PDE6A: variants seen among roughly 807,000 people sequenced by gnomAD.
PDE6A encodes phosphodiesterase 6A.
Under a neutral mutation model 106.3 loss-of-function variants are expected in PDE6A, and 84 were observed. The ratio of observed to expected loss-of-function variants is 0.79; its 90% CI spans 0.66 to 0.95. PDE6A has a LOEUF of 0.95. Ranked by LOEUF, PDE6A falls within the 40% of genes least tolerant of loss-of-function variation. The probability of loss-of-function intolerance (pLI) is 0.00; values close to 1 mark genes in which losing one functional copy is unlikely to be tolerated. For synonymous variants in PDE6A, 394 were observed against 386.6 expected, an observed-to-expected ratio of 1.02 and a Z score of -0.23; for missense variants, 1,052 against 1,084.9, an observed-to-expected ratio of 0.97 and a Z score of 0.43.
chr5:149,866,338 T>A, intron 19 of PDE6A, 85 bp from the exon 20 acceptor site: 1 of 954,094 alleles, frequency 1.0e-6, no homozygotes, highest in Non-Finnish European at 1.7e-6. Context: ...AAAATCAAAC[T>A]GTAAACTCAT....
At chr5:149,908,933 A>T (rs1462341763) in intron 6 of PDE6A, among the ~76,000 whole-genome samples, 3 of 152,164 alleles carry the variant, frequency 2.0e-5, no homozygotes, top group Admixed American at 2.0e-4. Flanking sequence ...TCTTTGTGAG[A>T]AAGTTTTGAT....
chr5:149,934,796 A>G (rs573889826), intron 1 of PDE6A, 78 bp from the exon 2 acceptor site: 1 of 1,374,006 alleles, frequency 7.3e-7, no homozygotes, highest in Admixed American at 1.7e-5. Context: ...CCCTGTTGAC[A>G]AGGGAATAAA....
chr5:149,886,398 A>G, intron 13 of PDE6A, 24 bp from the exon 14 acceptor site: 1 of 1,571,996 alleles, frequency 6.4e-7, no homozygotes, highest in South Asian at 1.1e-5. Context: ...CAGAGTGCAA[A>G]TCATTCCTTT....
intron 4 of PDE6A, among the ~76,000 whole-genome samples, chr5:149,922,296 AATT>A (rs142378973): frequency 0.064 from 9,585 of 148,802 alleles, 524 homozygotes; most frequent in African/African-American, 0.15. Flanking sequence ...ATTTACAACA[AATT>A]ATTATTATTA....
At chr5:149,928,233 T>TA (rs1163863793) in intron 4 of PDE6A, among the ~76,000 whole-genome samples, 30 of 9,622 alleles carry the variant, frequency 3.1e-3, no homozygotes, top group Non-Finnish European at 3.4e-3. Context: ...ATATATATAT[T>TA]TTTTTTTTTT....
intron 19 of PDE6A, chr5:149,867,410 C>T: frequency 2.1e-6 from 1 of 472,710 alleles, no homozygotes; most frequent in Non-Finnish European, 3.9e-6. Context: ...TTGCCAACCT[C>T]TAGGGTTGAG....
chr5:149,898,402 A>G lies in PDE6A; in HGVS notation c.1368T>C (p.Tyr456=). 6.2e-7 allele frequency: 1 copy of G among 1,613,472 alleles called. No individual in the cohort carries two copies. Among genetic ancestry groups the G allele is most frequent in the Non-Finnish European group, 8.5e-7 (1 of 1,179,454 alleles). Residue 456 remains tyrosine (Y), a synonymous_variant, in exon 10 of 22, where the codon TAT becomes TAC. Coordinates refer to ENST00000255266, the MANE Select transcript of PDE6A (RefSeq NM_000440.3). ...RKDIFQDIVK[Y]HVKCDNEEIQ... ...TTTCTTCATTGTCACACTTCACATG[A>G]TATTTTACTATGTCCTGGAAAATAT...
intron 6 of PDE6A, 57 bp downstream of exon 6, chr5:149,914,886 A>C (rs747198557): frequency 2.3e-5 from 26 of 1,135,186 alleles, no homozygotes; most frequent in Non-Finnish European, 3.5e-5. Context: ...CGATAAAGCC[A>C]ATTGAGATCT....
intron 17 of PDE6A, among the ~76,000 whole-genome samples, chr5:149,880,757 A>G (rs895817129): frequency 6.6e-6 from 1 of 152,056 alleles, no homozygotes; most frequent in Non-Finnish European, 1.5e-5. Context: ...AAAATGAGAT[A>G]CTGTCTGGCA....
At chr5:149,933,614 A>AG (rs1754104507) in intron 3 of PDE6A, among the ~76,000 whole-genome samples, 1 of 152,204 alleles carries the variant, frequency 6.6e-6, no homozygotes, top group Non-Finnish European at 1.5e-5. Flanking sequence ...CAACCTTTTG[A>AG]GGGTGGCACC....
chr5:149,934,628 C>A lies in PDE6A; in HGVS notation c.565G>T (p.Val189Leu), dbSNP rs768108118. 1.7e-5 allele frequency: 27 copies of A among 1,614,058 alleles called. No individual in the cohort carries two copies. The highest frequency in any genetic ancestry group is 2.2e-5 in the Non-Finnish European group (26 of 1,179,904). Reference protein sequence around the residue: ...ASPIMNGKDVVAIIMAVNKVD... With the variant: ...ASPIMNGKDVLAIIMAVNKVD... ...TTATTCACAGCCATGATTATGGCCA[C>A]CACATCCTTCCCATTCATTATGGGG... The change falls in exon 2 of 22, where the codon GTG (valine) becomes TTG (leucine). Residue 189 changes from valine to leucine, a missense_variant. This residue lies in a region of PDE6A where 913 missense variants were observed against 915.2 expected (regional missense o/e 1.00). Transcript: ENST00000255266.
intron 4 of PDE6A, among the ~76,000 whole-genome samples, chr5:149,925,386 A>G (rs571009725): frequency 6.6e-6 from 1 of 152,350 alleles, no homozygotes; most frequent in African/African-American, 2.4e-5. Context: ...TTAAAAACTC[A>G]ATAGTTTAAC....
chr5:149,898,810 C>T (rs548990583), intron 9 of PDE6A, among the ~76,000 whole-genome samples: 1 of 152,264 alleles, frequency 6.6e-6, no homozygotes, highest in South Asian at 2.1e-4. Context: ...ACTTTTTGCT[C>T]AATTTTGCTA....
rs375071718 is a variant in PDE6A at position 149,889,792 on chromosome 5, A to G, written c.1729-3418T>C. 2.6e-4 allele frequency among the ~76,000 whole-genome samples: 39 copies of G among 151,658 alleles called. 1 individual carries two copies. In the East Asian group the frequency reaches 4.8e-3, roughly 19 times the overall value. ...CCCGGTGGCACGCACCTGTAATCCC[A>G]GTTACTGGGGAGGCTGAGACAGGAG... On this transcript the variant is annotated intron_variant, in intron 13 of 21. Transcript: ENST00000255266.
rs1321676110 is a variant in PDE6A, at chr5:149,936,154, T to TC, written c.475-1437_475-1436insG. Reference sequence around the variant, plus strand: ...GGGTGACAGAGCAAGACCCTGTCTCTAAAAAAGGAAGGAAGGAAGGAAGGA... The same window carrying TC: ...GGGTGACAGAGCAAGACCCTGTCTCTCAAAAAAGGAAGGAAGGAAGGAAGGA... On this transcript the variant is annotated intron_variant, in intron 1 of 21. Transcript: ENST00000255266. 6.7e-3 allele frequency among the ~76,000 whole-genome samples: 223 copies of TC among 33,288 alleles called. 2 individuals carry two copies. The highest frequency in any genetic ancestry group is 0.049 in the African/African-American group (217 of 4,410). The allele number at this position is 33,288 out of a possible 152,430, so 21.8% of individuals were successfully genotyped here.
intron 21 of PDE6A, among the ~76,000 whole-genome samples, chr5:149,862,043 C>T (rs1230362720): frequency 6.6e-6 from 1 of 152,136 alleles, no homozygotes; most frequent in Non-Finnish European, 1.5e-5. Context: ...TTAGAATCAA[C>T]CCACGCTGCC....
chr5:149,886,150 G>T, intron 14 of PDE6A, 115 bp downstream of exon 14: 1 of 767,796 alleles, frequency 1.3e-6, no homozygotes, highest in Non-Finnish European at 2.3e-6. Flanking sequence ...GGCAGAAGGC[G>T]GTGGGAAGCT....
intron 4 of PDE6A, among the ~76,000 whole-genome samples, chr5:149,930,343 G>A (rs1029815976): frequency 1.3e-5 from 2 of 152,130 alleles, no homozygotes; most frequent in South Asian, 4.1e-4. Context: ...ATGACAAGGC[G>A]TACAAAATGA....
rs1213238607 is a variant in PDE6A, at chr5:149,928,209, CTA to C, written c.858+2817_858+2818del. On this transcript the variant is annotated intron_variant, in intron 4 of 21. Coordinates refer to ENST00000255266, the MANE Select transcript of PDE6A (RefSeq NM_000440.3). ...GTACTACAGCTCATAATTGTATGTGCTATATATATATATATATATATATTTTT... is the reference window on the plus strand; with the variant it reads ...GTACTACAGCTCATAATTGTATGTGCTATATATATATATATATATATTTTT... Among the ~76,000 whole-genome samples, 87 of 44,558 alleles carry C rather than the reference CTA, an allele frequency of 2.0e-3. 1 individual carries two copies. The highest frequency in any genetic ancestry group is 6.2e-3 in the East Asian group (15 of 2,434). 29.2% of individuals were successfully genotyped at this position (44,558 alleles called of 152,430 possible).
Sources: allele counts gnomAD v4.1 joint callset (sites outside exome capture counted in the v4.1 genomes callset), GRCh38; gene constraint gnomAD v4.1.1; regional missense constraint gnomAD v4.1.1; transcripts MANE v1.5; gene names NCBI Gene and HGNC (gene_info 2026-07-23, HGNC 2026-07-21).